The following DAB2IP variants were observed in gnomAD, a reference collection of about 807,000 sequenced individuals.
The protein encoded by DAB2IP is disabled homolog 2-interacting protein.
A neutral mutation model predicts 107.2 loss-of-function variants in DAB2IP; 28 were observed. The ratio of observed to expected loss-of-function variants is 0.26; its 90% CI spans 0.19 to 0.36. DAB2IP has a LOEUF of 0.36. Among genes scored for constraint, DAB2IP ranks in the 10% least tolerant of loss-of-function variants. The pLI is 1.00. For synonymous variants in DAB2IP, 755 were observed against 706.4 expected (o/e 1.07, Z -1.09); for missense variants, 1,400 against 1,644.7 (o/e 0.85, Z 2.57).
chr9:121,763,380 A>G, intron 6 of DAB2IP, 125 bp from the exon 7 acceptor site: 1 of 1,345,684 alleles, frequency 7.4e-7, no homozygotes, highest in Non-Finnish European at 1.0e-6. Flanking sequence ...CCTCTCCGGG[A>G]CCCCCGCAGC....
At chr9:121,752,792 G>A (rs1589643524) in intron 3 of DAB2IP, 2 of 152,216 alleles carry the variant, frequency 1.3e-5, no homozygotes, top group East Asian at 3.8e-4. Flanking sequence ...CAACTCAAAG[G>A]GCTGGGAAAT....
chr9:121,616,898 G>T (rs895131395), intron 1 of DAB2IP, among the ~76,000 whole-genome samples: 2 of 152,210 alleles, frequency 1.3e-5, no homozygotes, highest in Non-Finnish European at 2.9e-5. Context: ...AGACCCTGCT[G>T]CCCCAGGCAC....
chr9:121,785,495 A>AATT (rs1418913947), exon 16 of DAB2IP: 49 of 152,686 alleles, frequency 3.2e-4, no homozygotes, highest in African/African-American at 1.1e-3. Flanking sequence ...GTACATTTGC[A>AATT]ATTAGAAATA....
intron 12 of DAB2IP, 56 bp from the exon 13 acceptor site, chr9:121,774,204 C>T (rs1835010588): frequency 4.7e-6 from 7 of 1,498,902 alleles, no homozygotes; most frequent in African/African-American, 1.4e-5. Flanking sequence ...CCACTCCCGC[C>T]CCTCCTGCTT....
In DAB2IP at chr9:121,773,500, G is replaced by A; in HGVS notation, c.2967+5G>A. On this transcript the variant is annotated splice_donor_5th_base_variant and intron_variant, in intron 12 of 15. Transcript: ENST00000408936. ...CCACGGGCAGTGCACAAGCAGGTCA[G>A]TGCTGCTAGTCAGAGGGCAGGGCTG... is the stretch of plus-strand genomic sequence containing the variant. 1 of 1,495,734 alleles carries A rather than the reference G, an allele frequency of 6.7e-7. No homozygotes were observed. 92.7% of individuals were successfully genotyped at this position (1,495,734 alleles called of 1,614,324 possible). A position where few individuals can be genotyped will look rare whatever the true frequency, so the allele number is the denominator to read the frequency against.
chr9:121,692,238 TTGTA>T (rs1485041991), intron 2 of DAB2IP, among the ~76,000 whole-genome samples: 1 of 152,144 alleles, frequency 6.6e-6, no homozygotes, highest in African/African-American at 2.4e-5. Flanking sequence ...TTCAGTGTAT[TTGTA>T]TGTTAGCTTG....
At position 121,772,589 on chromosome 9, in the gene DAB2IP, GTGCT is replaced by G. The variant is rs1229630491; in HGVS notation, c.2079-15_2079-12del. ...TTCTTTTCCCCTTCTTTCCCTGTGTGTGCTTGTCTCCCTGCAGTCTGATAGATTT... is the reference window on the plus strand; with the variant it reads ...TTCTTTTCCCCTTCTTTCCCTGTGTGTGTCTCCCTGCAGTCTGATAGATTT... On this transcript the variant is annotated splice_polypyrimidine_tract_variant and intron_variant, in intron 11 of 15. Transcript: ENST00000408936. The surrounding 1 kb of genome is among the most constrained non-coding windows in gnomAD (Gnocchi z 4.7). 6.2e-7 allele frequency: 1 copy of G among 1,601,522 alleles called. No individual in the cohort carries two copies. Among genetic ancestry groups the G allele is most frequent in the East Asian group, 2.2e-5 (1 of 44,670 alleles).
At chr9:121,625,915 G>A (rs1370934584) in intron 1 of DAB2IP, among the ~76,000 whole-genome samples, 1 of 152,180 alleles carries the variant, frequency 6.6e-6, no homozygotes, top group Non-Finnish European at 1.5e-5. Flanking sequence ...GTGTGGGCTG[G>A]AGTGTGTTCC....
At chr9:121,615,632 T>C (rs1589411131) in intron 1 of DAB2IP, among the ~76,000 whole-genome samples, 1 of 656 alleles carries the variant, frequency 1.5e-3, no homozygotes, top group Non-Finnish European at 0.17. Flanking sequence ...ACTTTCTTTC[T>C]TTTTTTTTTT....
exon 6 of DAB2IP, chr9:121,759,918 C>G (rs1295756826): frequency 6.2e-7 from 1 of 1,614,100 alleles, no homozygotes; most frequent in Admixed American, 1.7e-5. Context: ...CATCCTGAAG[C>G]TGTGGGTGAT....
chr9:121,599,121 G>C lies in DAB2IP; in HGVS notation c.40+31893G>C, dbSNP rs1589388563. On this transcript the variant is annotated intron_variant, in intron 1 of 16. Coordinates refer to the DAB2IP transcript ENST00000259371. This position sits in a 1 kb window ranked among gnomAD's most constrained non-coding sequence, Gnocchi z 6.9. ...GCACATAAAAGTTTAAGGGGTCAGC[G>C]GATGCGGGAAGATTCTAGCGGGAAG... Among the ~76,000 whole-genome samples the C allele has an allele frequency of 6.6e-6, 1 of 152,198 alleles. No homozygotes were observed. Among genetic ancestry groups the C allele is most frequent in the African/African-American group, 2.4e-5 (1 of 41,456 alleles).
At chr9:121,761,135 A>C (rs1833858243) in intron 6 of DAB2IP, among the ~76,000 whole-genome samples, 1 of 152,180 alleles carries the variant, frequency 6.6e-6, no homozygotes, top group South Asian at 2.1e-4. Context: ...GCCGTGCCTC[A>C]GCCCCACCTA....
chr9:121,673,189 G>A (rs1199444718), intron 1 of DAB2IP, among the ~76,000 whole-genome samples: 1 of 152,326 alleles, frequency 6.6e-6, no homozygotes, highest in East Asian at 1.9e-4. Flanking sequence ...CAGAGTCAGG[G>A]TTGAATCCAG....
At chr9:121,655,262 C>T (rs918796153) in intron 1 of DAB2IP, among the ~76,000 whole-genome samples, 4 of 152,120 alleles carry the variant, frequency 2.6e-5, no homozygotes, top group Non-Finnish European at 4.4e-5. Context: ...GGATCCTTTC[C>T]CCAGAAGGGT....
chr9:121,608,542 G>C (rs141709132), intron 1 of DAB2IP, among the ~76,000 whole-genome samples: 50 of 152,190 alleles, frequency 3.3e-4, no homozygotes, highest in African/African-American at 9.6e-4. Flanking sequence ...GCAGGAGTTG[G>C]GGGGGTAAGG....
chr9:121,757,736 C>T (rs1457553136), intron 4 of DAB2IP, among the ~76,000 whole-genome samples: 1 of 152,174 alleles, frequency 6.6e-6, no homozygotes, highest in Non-Finnish European at 1.5e-5. Context: ...AAGGCTGAGA[C>T]CAAGCCGGGA....
intron 1 of DAB2IP, among the ~76,000 whole-genome samples, chr9:121,597,552 T>G (rs1830556316): frequency 1.3e-5 from 2 of 152,104 alleles, no homozygotes; most frequent in Non-Finnish European, 2.9e-5. Context: ...ATTAGAGGAG[T>G]GCTAGTGACT....
In DAB2IP at chr9:121,699,228, G is replaced by GGCCGCCCA; in HGVS notation, c.229-94_229-87dup. On this transcript the variant is annotated intron_variant, in intron 2 of 15. Coordinates refer to ENST00000408936, the Ensembl canonical transcript of DAB2IP. The surrounding 1 kb of genome is among the most constrained non-coding windows in gnomAD (Gnocchi z 6.2). ...GAGCCCGGCCCGCCCTCGGCCGCGC[G>GGCCGCCCA]GCCGCCCAGCAAGGGTGCGGGTCCC... The GGCCGCCCA allele has an allele frequency of 2.0e-6, 2 of 1,022,696 alleles. No homozygotes were observed. The highest frequency in any genetic ancestry group is 4.5e-5 in the South Asian group (1 of 22,364). 63.4% of individuals were successfully genotyped at this position (1,022,696 alleles called of 1,614,324 possible). A position where few individuals can be genotyped will look rare whatever the true frequency, so the allele number is the denominator to read the frequency against.
Position 121,759,868 on chromosome 9 carries a change from C to T in DAB2IP, c.616-17C>T. 3.1e-6 allele frequency: 5 copies of T among 1,600,904 alleles called. No homozygotes were observed. The highest frequency in any genetic ancestry group is 2.2e-5 in the East Asian group (1 of 44,526). ...GGCACCCCCAGCTGACCACCCTGGA[C>T]CCCCGTGCACATACAGGACAACAGC... On this transcript the variant is annotated splice_polypyrimidine_tract_variant and intron_variant, in intron 5 of 15. Coordinates refer to ENST00000408936, the Ensembl canonical transcript of DAB2IP.
Sources: gnomAD v4.1 joint callset for allele counts (sites outside exome capture counted in the v4.1 genomes callset) on GRCh38, gnomAD v4.1.1 for gene constraint, Gnocchi (gnomAD v3.1) non-coding constraint, MANE v1.5 for transcripts, NCBI Gene and HGNC (gene_info 2026-07-23, HGNC 2026-07-21) for gene names.